Variants in GLB1L3 observed in about 807,000 individuals in gnomAD.
GLB1L3 encodes the protein galactosidase beta 1 like 3, also known as beta-galactosidase-1-like protein 3.
GLB1L3 carries 89 observed loss-of-function variants against 89.5 expected under a neutral mutation model. The observed-to-expected ratio is 0.99, with a 90% confidence interval of 0.84 to 1.19. The LOEUF (loss-of-function observed/expected upper bound fraction) is 1.19. Among genes scored for constraint, GLB1L3 ranks in the 50% most tolerant of loss-of-function variants. GLB1L3 has a pLI of 0.00. For missense variants in GLB1L3, 812 were observed against 813.3 expected, an observed-to-expected ratio of 1.00 and a Z score of 0.02; for synonymous variants, 314 against 312.3, an observed-to-expected ratio of 1.01 and a Z score of -0.06.
chr11:134,279,886 C>T (rs900809544), intron 3 of GLB1L3, among the ~76,000 whole-genome samples: 1 of 151,840 alleles, frequency 6.6e-6, no homozygotes, highest in Non-Finnish European at 1.5e-5. Context: ...GTGTAATTTC[C>T]TTTTCTCTAC....
At chr11:134,285,616 A>G (rs955504732) in intron 6 of GLB1L3, among the ~76,000 whole-genome samples, 20 of 151,866 alleles carry the variant, frequency 1.3e-4, no homozygotes. Context: ...TGAGACCACA[A>G]CTCTACAAAA....
rs572109340 is a variant in GLB1L3, at chr11:134,277,569, C to G, written c.149+118C>G. 47 of 1,516,444 alleles carry G rather than the reference C, an allele frequency of 3.1e-5. No individual in the cohort carries two copies. In the African/African-American group the frequency reaches 5.7e-4, roughly 18 times the overall value. The allele number at this position is 1,516,444 out of a possible 1,614,324, so 93.9% of individuals were successfully genotyped here. A position where few individuals can be genotyped will look rare whatever the true frequency, so the allele number is the denominator to read the frequency against. ...TACTAACATATGCACAGAACACGTC[C>G]TACTAACATATGCACAGAACACGTC... On this transcript the variant is annotated intron_variant, in intron 2 of 19. Coordinates refer to ENST00000431683, the MANE Select transcript of GLB1L3 (RefSeq NM_001080407.3).
At chr11:134,308,235 C>CCACCACCACCACCAT in intron 10 of GLB1L3, among the ~76,000 whole-genome samples, 1 of 27,810 alleles carries the variant, frequency 3.6e-5, no homozygotes, top group Non-Finnish European at 7.0e-5. Flanking sequence ...ACCACCACCA[C>CCACCACCACCACCAT]CATCACCATC....
intron 12 of GLB1L3, 182 bp downstream of exon 12, chr11:134,310,833 T>G (rs987942328): frequency 3.9e-5 from 24 of 620,916 alleles, no homozygotes; most frequent in Non-Finnish European, 6.8e-5. Context: ...AAAATCAGGG[T>G]TTCTAAGCAT....
chr11:134,293,689 G>A (rs558452963), intron 9 of GLB1L3, among the ~76,000 whole-genome samples: 5 of 152,220 alleles, frequency 3.3e-5, no homozygotes, highest in African/African-American at 1.2e-4. Flanking sequence ...AGAAGGACAA[G>A]CCACAGCCCA....
rs1212295349 is a variant in GLB1L3 at position 134,276,450 on chromosome 11, C to T, written c.-291C>T. The stretch of plus-strand genomic sequence containing the variant: ...CGGGGCGTTACCCCAAGGGCCCTCC[C>T]GCTTCCCCTCCGAGGGCAGAGAGGC... On this transcript the variant is annotated 5_prime_UTR_variant, in exon 1 of 20. Transcript: ENST00000431683. 2.9e-6 allele frequency: 1 copy of T among 339,756 alleles called. No individual in the cohort carries two copies. The highest frequency in any genetic ancestry group is 5.3e-6 in the Non-Finnish European group (1 of 188,748). 21.0% of individuals were successfully genotyped at this position (339,756 alleles called of 1,614,324 possible).
intron 13 of GLB1L3, chr11:134,312,118 C>A: frequency 1.9e-6 from 1 of 531,454 alleles, no homozygotes; most frequent in Non-Finnish European, 3.3e-6. Flanking sequence ...TTAATCAGTT[C>A]TTAGGATTAT....
chr11:134,312,303 G>A (rs774072477), intron 13 of GLB1L3, 46 bp from the exon 14 acceptor site: 1 of 1,600,956 alleles, frequency 6.2e-7, no homozygotes, highest in South Asian at 1.1e-5. Context: ...GGAGGATCCT[G>A]ACTGCTCAGC....
intron 11 of GLB1L3, chr11:134,310,355 A>T: frequency 1.8e-6 from 1 of 549,744 alleles, no homozygotes; most frequent in East Asian, 2.8e-5. Context: ...AGTGGGGGCA[A>T]GCCCAGTGTC....
intron 10 of GLB1L3, among the ~76,000 whole-genome samples, chr11:134,309,266 C>A (rs1942597771): frequency 6.6e-6 from 1 of 152,160 alleles, no homozygotes; most frequent in African/African-American, 2.4e-5. Flanking sequence ...TAGAGTAGTT[C>A]TGGCCAATTC....
intron 7 of GLB1L3, among the ~76,000 whole-genome samples, chr11:134,289,987 G>T (rs956841989): frequency 6.6e-6 from 1 of 152,244 alleles, no homozygotes; most frequent in African/African-American, 2.4e-5. Flanking sequence ...CTGGCTGGAG[G>T]CCGGGGCGGG....
At chr11:134,314,926 G>A (rs1452528603) in intron 18 of GLB1L3, among the ~76,000 whole-genome samples, 1 of 152,040 alleles carries the variant, frequency 6.6e-6, no homozygotes, top group East Asian at 1.9e-4. Flanking sequence ...TAACATAAAT[G>A]TACAAAATGT....
chr11:134,310,404 A>C, intron 11 of GLB1L3, 167 bp from the exon 12 acceptor site: 1 of 590,654 alleles, frequency 1.7e-6, no homozygotes, highest in Non-Finnish European at 3.0e-6. Context: ...GTGCCCAGGA[A>C]GAGTTGTGGG....
intron 9 of GLB1L3, among the ~76,000 whole-genome samples, chr11:134,296,866 A>ATAATAATAATAAT: frequency 8.6e-6 from 1 of 116,070 alleles, no homozygotes; most frequent in South Asian, 2.4e-4. Context: ...TAATAATAAA[A>ATAATAATAATAAT]ACAAACAAAC....
chr11:134,305,899 A>T (rs992405137), intron 9 of GLB1L3, among the ~76,000 whole-genome samples: 1 of 152,178 alleles, frequency 6.6e-6, no homozygotes, highest in Non-Finnish European at 1.5e-5. Context: ...AAGATGATCA[A>T]ATTCCCTAAT....
intron 13 of GLB1L3, chr11:134,312,068 A>G (rs943340179): frequency 6.5e-6 from 2 of 309,648 alleles, no homozygotes; most frequent in Non-Finnish European, 1.2e-5. Flanking sequence ...AAGTGCTGGG[A>G]TTACAGGCGT....
At chr11:134,282,393 G>T (rs1383413574) in intron 5 of GLB1L3, among the ~76,000 whole-genome samples, 1 of 152,100 alleles carries the variant, frequency 6.6e-6, no homozygotes, top group East Asian at 1.9e-4. Flanking sequence ...AAGAGGGTGT[G>T]CGCGGGGAGA....
chr11:134,324,195 T>A (rs1192063315), downstream of GLB1L3, among the ~76,000 whole-genome samples: 1 of 152,242 alleles, frequency 6.6e-6, no homozygotes, highest in Non-Finnish European at 1.5e-5. Context: ...CATACCAAAC[T>A]TAATCTACCG....
chr11:134,324,971 A>G, the GLB1L3 span, among the ~76,000 whole-genome samples: 1 of 152,134 alleles, frequency 6.6e-6, no homozygotes, highest in South Asian at 2.1e-4. Flanking sequence ...TTTTAAAAAC[A>G]TATTTTCTAT....
Sources: gnomAD v4.1 joint callset for allele counts (sites outside exome capture counted in the v4.1 genomes callset) on GRCh38, gnomAD v4.1.1 for gene constraint, MANE v1.5 for transcripts, NCBI Gene and HGNC (gene_info 2026-07-23, HGNC 2026-07-21) for gene names.